The following DNAAF2 variants were observed in gnomAD, a reference collection of about 807,000 sequenced individuals.
DNAAF2 encodes protein kintoun.
DNAAF2 carries 58 observed loss-of-function variants against 48.8 expected under a neutral mutation model. That is an observed-to-expected ratio of 1.19 (90% CI 0.96 to 1.48). The LOEUF is 1.48. Among genes scored for constraint, DNAAF2 ranks in the 40% most tolerant of loss-of-function variants. DNAAF2 has a pLI of 0.00. For synonymous variants in DNAAF2, 567 were observed against 481.2 expected (o/e 1.18, Z -2.33); for missense variants, 1,241 against 1,116.1 (o/e 1.11, Z -1.59).
rs1159051324 is a variant in DNAAF2, at chr14:49,625,658, CA to C, written c.2397del (p.Gly800AspfsTer5). The C allele has an allele frequency of 1.9e-6, 3 of 1,613,550 alleles. No homozygotes were observed. The Admixed American group carries it at 5.0e-5, about 27-fold the overall frequency. On this transcript the variant is annotated frameshift_variant, in exon 3 of 3. Transcript: ENST00000298292. LOFTEE classifies it high-confidence loss of function. ...TTGGTTTCTTTTATGCTGTCGAATC[CA>C]GGTATATTGTGAACCGTAGTTTTGT... ...LLNKTTVHNI[P>X]GFDSIKETNM...
At chr14:49,626,486 CAAAAA>C (rs932998251) in intron 2 of DNAAF2, among the ~76,000 whole-genome samples, 3 of 151,732 alleles carry the variant, frequency 2.0e-5, no homozygotes, top group African/African-American at 7.3e-5. Context: ...AAGACCCTGT[CAAAAA>C]AAGAAAAAGA....
In DNAAF2 at chr14:49,635,207, G is replaced by A. The variant is rs906639635; in HGVS notation, c.-58C>T. 6 of 1,516,980 alleles carry A rather than the reference G, an allele frequency of 4.0e-6. No homozygotes were observed. The highest frequency in any genetic ancestry group is 5.4e-6 in the Non-Finnish European group (6 of 1,119,382). The allele number at this position is 1,516,980 out of a possible 1,614,324, so 94.0% of individuals were successfully genotyped here. A position where few individuals can be genotyped will look rare whatever the true frequency, so the allele number is the denominator to read the frequency against. On this transcript the variant is annotated 5_prime_UTR_variant, in exon 1 of 3. Coordinates refer to ENST00000298292, the MANE Select transcript of DNAAF2 (RefSeq NM_018139.3). ...GGCGATCAGTCTGACACTGGGTTGG[G>A]GGATCCGCCTCAGAGTTTCTGGGCA...
chr14:49,625,469 A>G lies in DNAAF2; in HGVS notation c.*73T>C. On this transcript the variant is annotated 3_prime_UTR_variant, in exon 3 of 3. Coordinates refer to ENST00000298292, the MANE Select transcript of DNAAF2 (RefSeq NM_018139.3). The stretch of plus-strand genomic sequence containing the variant: ...CTTTAATACCTTTAGTTTTAAGACA[A>G]CAGTTAACAGAATCAATTTTAGATA... The G allele has an allele frequency of 8.7e-7, 1 of 1,144,440 alleles. No individual in the cohort carries two copies. Among genetic ancestry groups the G allele is most frequent in the Non-Finnish European group, 1.1e-6 (1 of 872,492 alleles). 70.9% of individuals were successfully genotyped at this position (1,144,440 alleles called of 1,614,324 possible). A position where few individuals can be genotyped will look rare whatever the true frequency, so the allele number is the denominator to read the frequency against.
Position 49,635,154 on chromosome 14 carries a change from T to C in DNAAF2, c.-5A>G, listed in dbSNP as rs1291919568. Reference sequence around the variant, plus strand: ...GGAGGCCGCCGCTTTGGCCATACTGTCCTGTGGCTCCTCGCCCTCGGGCCA... The same window carrying C: ...GGAGGCCGCCGCTTTGGCCATACTGCCCTGTGGCTCCTCGCCCTCGGGCCA... On this transcript the variant is annotated 5_prime_UTR_variant, in exon 1 of 3. Coordinates refer to ENST00000298292, the MANE Select transcript of DNAAF2 (RefSeq NM_018139.3). 6.4e-7 allele frequency: 1 copy of C among 1,554,696 alleles called. No individual in the cohort carries two copies.
intron 1 of DNAAF2, among the ~76,000 whole-genome samples, chr14:49,630,740 T>TACACACACACCCAC (rs1883137809): frequency 1.5e-5 from 2 of 136,846 alleles, no homozygotes; most frequent in Non-Finnish European, 3.1e-5. Flanking sequence ...ACAAACTCTC[T>TACACACACACCCAC]ACACACACAC....
chr14:49,625,609 A>G lies in DNAAF2; in HGVS notation c.2447T>C (p.Val816Ala), dbSNP rs1384255577. ...ETNMQDGSVQ[V>A]IKDHVTNCAF... Reference sequence around the variant, plus strand: ...ACAATTGGTCACATGATCTTTAATGACCTGCACACTACCATCCTGCATATT... The same window carrying G: ...ACAATTGGTCACATGATCTTTAATGGCCTGCACACTACCATCCTGCATATT... Residue 816 changes from valine (V) to alanine (A), a missense_variant, in exon 3 of 3, where the codon GTC becomes GCC. Val to Ala is a moderately conservative substitution (Grantham distance 64). Coordinates refer to ENST00000298292, the MANE Select transcript of DNAAF2 (RefSeq NM_018139.3). 2 of 1,613,032 alleles carry G rather than the reference A, an allele frequency of 1.2e-6. No individual in the cohort carries two copies. The highest frequency in any genetic ancestry group is 3.3e-5 in the Admixed American group (2 of 59,910).
At chr14:49,633,245 A>G (rs1883211175) in intron 1 of DNAAF2, 42 bp downstream of exon 1, 2 of 1,598,922 alleles carry the variant, frequency 1.3e-6, no homozygotes. Flanking sequence ...TTAAAGTGAG[A>G]TGGGATATTT....
intron 1 of DNAAF2, among the ~76,000 whole-genome samples, chr14:49,630,750 C>CACACACACACACAT (rs1883138232): frequency 6.7e-5 from 10 of 149,070 alleles, no homozygotes. Context: ...TACACACACA[C>CACACACACACACAT]ACACACTTTT....
Position 49,634,934 on chromosome 14 carries a change from C to G in DNAAF2, c.216G>C (p.Pro72=). Residue 72 remains proline (P), a synonymous_variant, in exon 1 of 3, where the codon CCG becomes CCC. Transcript: ENST00000298292. ...ERGVEVRFVH[P]EPGHVLRTSL... The stretch of plus-strand genomic sequence containing the variant: ...TGGTGCGCAGCACATGGCCGGGCTC[C>G]GGGTGCACGAACCGCACTTCCACCC... 6.4e-7 allele frequency: 1 copy of G among 1,555,018 alleles called. No homozygotes were observed. The highest frequency in any genetic ancestry group is 1.4e-5 in the African/African-American group (1 of 73,416).
At chr14:49,627,922 T>C in intron 2 of DNAAF2, 90 bp downstream of exon 2, 1 of 1,318,276 alleles carries the variant, frequency 7.6e-7, no homozygotes, top group Non-Finnish European at 1.0e-6. Flanking sequence ...GTAAATTTTG[T>C]TTAAAGTTAT....
Position 49,635,009 on chromosome 14 carries a change from C to G in DNAAF2, c.141G>C (p.Glu47Asp), listed in dbSNP as rs1328025744. 6.4e-7 allele frequency: 1 copy of G among 1,569,066 alleles called. No individual in the cohort carries two copies. The highest frequency in any genetic ancestry group is 1.9e-5 in the Admixed American group (1 of 53,526). Reference protein sequence around the residue: ...SQYAEELTDPENRRRYEAEIT... With the variant: ...SQYAEELTDPDNRRRYEAEIT... ...TCTCCGCCTCGTAGCGCCGCCGGTT[C>G]TCCGGGTCGGTGAGCTCCTCGGCGT... Residue 47 changes from glutamate (E) to aspartate (D), a missense_variant, in exon 1 of 3, where the codon GAG (glutamate) becomes GAC (aspartate). By Grantham distance (45) the Glu-to-Asp change is conservative. Coordinates refer to ENST00000298292, the MANE Select transcript of DNAAF2 (RefSeq NM_018139.3).
Position 49,627,951 on chromosome 14 carries a change from A to C in DNAAF2, c.2007+61T>G, listed in dbSNP as rs929017701. On this transcript the variant is annotated intron_variant, in intron 2 of 2. Coordinates refer to ENST00000298292, the MANE Select transcript of DNAAF2 (RefSeq NM_018139.3). Reference sequence around the variant, plus strand: ...AAGTTATGATATTAAGAAATCAATAATTTGTTAGGTTTTAACTCTGTGCTT... The same window carrying C: ...AAGTTATGATATTAAGAAATCAATACTTTGTTAGGTTTTAACTCTGTGCTT... The C allele has an allele frequency of 2.1e-6, 3 of 1,425,988 alleles. No individual in the cohort carries two copies. The African/African-American group carries it at 4.5e-5, about 21-fold the overall frequency. The allele number at this position is 1,425,988 out of a possible 1,614,324, so 88.3% of individuals were successfully genotyped here. A position where few individuals can be genotyped will look rare whatever the true frequency, so the allele number is the denominator to read the frequency against.
In DNAAF2 at chr14:49,625,633, T is replaced by C; in HGVS notation, c.2423A>G (p.Asn808Ser). 3 of 1,613,736 alleles carry C rather than the reference T, an allele frequency of 1.9e-6. No individual in the cohort carries two copies. Among genetic ancestry groups the C allele is most frequent in the Non-Finnish European group, 2.5e-6 (3 of 1,179,760 alleles). The change falls in exon 3 of 3, where the codon AAT (asparagine) becomes AGT (serine). Residue 808 changes from asparagine to serine, a missense_variant. Physicochemically the swap from Asn to Ser is conservative, Grantham distance 46. Coordinates refer to ENST00000298292, the MANE Select transcript of DNAAF2 (RefSeq NM_018139.3). The part of the protein sequence containing the change: ...IPGFDSIKET[N>S]MQDGSVQVIK... ...GACCTGCACACTACCATCCTGCATA[T>C]TGGTTTCTTTTATGCTGTCGAATCC...
rs1376282502 is a variant in DNAAF2 at position 49,634,511 on chromosome 14, A to G, written c.639T>C (p.Pro213=). ...GGAGAGGACCCTTCGGCTCCCCGTC[A>G]GGCCTTGCGGGGATGACCCCGGGCA... is the stretch of plus-strand genomic sequence containing the variant. ...TPLPGVIPAR[P]DGEPKGPLPD... The change falls in exon 1 of 3, where the codon CCT becomes CCC. Residue 213 remains proline, a synonymous_variant. Transcript: ENST00000298292. The G allele has an allele frequency of 1.3e-6, 2 of 1,599,628 alleles. No homozygotes were observed. The highest frequency in any genetic ancestry group is 2.2e-5 in the East Asian group (1 of 44,814).
rs754858452 is a variant in DNAAF2, at chr14:49,634,416, G to A, written c.734C>T (p.Ala245Val). 2.4e-5 allele frequency: 37 copies of A among 1,572,696 alleles called. No individual in the cohort carries two copies. In the East Asian group the frequency reaches 6.9e-4, roughly 29 times the overall value. ...AGGCTCGGTGGGGGCGGGCTGCAAG[G>A]CCGCTTCCGGAGGGGAGGGCGCCCG... The part of the protein sequence containing the change: ...GPRAPSPPEA[A>V]LQPAPTEPRY... Residue 245 changes from alanine (A) to valine (V), a missense_variant, in exon 1 of 3, where the codon GCC becomes GTC. Coordinates refer to ENST00000298292, the MANE Select transcript of DNAAF2 (RefSeq NM_018139.3).
intron 1 of DNAAF2, among the ~76,000 whole-genome samples, chr14:49,629,097 G>A (rs1883086768): frequency 6.6e-6 from 1 of 151,160 alleles, no homozygotes. Flanking sequence ...ACAGTAGCTG[G>A]GACCACAGAA....
In DNAAF2 at chr14:49,635,032, C is replaced by T; in HGVS notation, c.118G>A (p.Ala40Thr). Reference sequence around the variant, plus strand: ...TTCTCCGGGTCGGTGAGCTCCTCGGCGTACTGGGAGAACATTCGCCGGAAC... The same window carrying T: ...TTCTCCGGGTCGGTGAGCTCCTCGGTGTACTGGGAGAACATTCGCCGGAAC... ...PEFRRMFSQYAEELTDPENRR... is the reference protein window; with the variant it reads ...PEFRRMFSQYTEELTDPENRR... Residue 40 changes from alanine (A) to threonine (T), a missense_variant, in exon 1 of 3, where the codon GCC (alanine) becomes ACC (threonine). Ala to Thr is a moderately conservative substitution (Grantham distance 58). Transcript: ENST00000298292. 1 of 1,577,522 alleles carries T rather than the reference C, an allele frequency of 6.3e-7. No homozygotes were observed. The highest frequency in any genetic ancestry group is 8.6e-7 in the Non-Finnish European group (1 of 1,162,426).
At position 49,634,475 on chromosome 14, in the gene DNAAF2, G is replaced by A. The variant is rs781181118; in HGVS notation, c.675C>T (p.Pro225=). 20 of 1,580,358 alleles carry A rather than the reference G, an allele frequency of 1.3e-5. No individual in the cohort carries two copies. The highest frequency in any genetic ancestry group is 1.5e-5 in the Non-Finnish European group (18 of 1,169,216). ...GGGCTGCCGGGTACTGGTAAGGGTAGGGGAAGTCCGGGAGAGGACCCTTCG... is the reference window on the plus strand; with the variant it reads ...GGGCTGCCGGGTACTGGTAAGGGTAAGGGAAGTCCGGGAGAGGACCCTTCG... ...GEPKGPLPDF[P]YPYQYPAAPG... The change falls in exon 1 of 3, where the codon CCC becomes CCT. Residue 225 remains proline (P), a synonymous_variant. Transcript: ENST00000298292.
rs1883055081 is a variant in DNAAF2 at position 49,628,021 on chromosome 14, A to C, written c.1998T>G (p.Ile666Met). ...CCATCAACTTCCTTACCTTTGCATT[A>C]ATTTGAATCTTATTATCAGTAACTT... ...VLQVTDNKIQ[I>M]NAKLQECSNS... The change falls in exon 2 of 3, where the codon ATT (isoleucine) becomes ATG (methionine). Residue 666 changes from isoleucine to methionine, a missense_variant. Transcript: ENST00000298292. The C allele has an allele frequency of 3.8e-6, 6 of 1,567,090 alleles. No homozygotes were observed. The highest frequency in any genetic ancestry group is 5.2e-6 in the Non-Finnish European group (6 of 1,154,800).
Sources: gnomAD v4.1 joint callset for allele counts (sites outside exome capture counted in the v4.1 genomes callset) on GRCh38, gnomAD v4.1.1 for gene constraint, MANE v1.5 for transcripts, NCBI Gene and HGNC (gene_info 2026-07-23, HGNC 2026-07-21) for gene names.